The following MAPK10 variants were observed in gnomAD, a reference collection of about 807,000 sequenced individuals.
MAPK10 encodes mitogen-activated protein kinase 10.
A neutral mutation model predicts 59.3 loss-of-function variants in MAPK10; 25 were observed. That is an observed-to-expected ratio of 0.42 (90% CI 0.31 to 0.59). The LOEUF is 0.59. MAPK10 is among the 20% of genes least tolerant of loss of function. MAPK10 has a pLI of 0.15. For missense variants in MAPK10, 351 were observed against 568.9 expected (o/e 0.62, Z 3.90); for synonymous variants, 190 against 200.5 (o/e 0.95, Z 0.44).
At chr4:86,385,369 T>A (rs568869701) in intron 1 of MAPK10, among the ~76,000 whole-genome samples, 1 of 152,320 alleles carries the variant, frequency 6.6e-6, no homozygotes, top group East Asian at 1.9e-4. Context: ...AAACTTGGCA[T>A]TAGAAATGGC....
chr4:86,089,211 G>A (rs2052571587), intron 9 of MAPK10: 2 of 1,611,260 alleles, frequency 1.2e-6, no homozygotes, highest in African/African-American at 1.3e-5. Context: ...GATACGATCA[G>A]TGCCAGGAAA....
In MAPK10 at chr4:86,264,888, C is replaced by CTTTTTTTTTT. The variant is rs397879051; in HGVS notation, c.-6-70491_-6-70482dup. Among the ~76,000 whole-genome samples the CTTTTTTTTTT allele has an allele frequency of 1.8e-4, 17 of 95,274 alleles. 1 individual carries two copies. The highest frequency in any genetic ancestry group is 3.1e-4 in the East Asian group (1 of 3,184). The allele number at this position is 95,274 out of a possible 152,430, so 62.5% of individuals were successfully genotyped here. ...TCTCTAGGTTTTTGATGGCCCTGGACTTTTTTTTTTTTTTTTTTTTTTGTG... is the reference window on the plus strand; with the variant it reads ...TCTCTAGGTTTTTGATGGCCCTGGACTTTTTTTTTTTTTTTTTTTTTTTTTTTTTTTTGTG... On this transcript the variant is annotated intron_variant, in intron 2 of 13. Coordinates refer to ENST00000641462, the MANE Select transcript of MAPK10 (RefSeq NM_138982.4).
chr4:86,349,953 T>C (rs746893821), intron 2 of MAPK10, among the ~76,000 whole-genome samples: 18 of 152,118 alleles, frequency 1.2e-4, no homozygotes, highest in Admixed American at 3.9e-4. Flanking sequence ...AGGAAACACC[T>C]GAGTAGATGT....
In MAPK10 at chr4:86,010,753, T is replaced by G. The variant is rs1049373942; in HGVS notation, c.*6475A>C. The G allele has an allele frequency of 1.3e-5, 2 of 152,242 alleles. No individual in the cohort carries two copies. Among genetic ancestry groups the G allele is most frequent in the African/African-American group, 4.8e-5 (2 of 41,466 alleles). 9.4% of individuals were successfully genotyped at this position (152,242 alleles called of 1,614,324 possible). A position where few individuals can be genotyped will look rare whatever the true frequency, so the allele number is the denominator to read the frequency against. ...GTATAATTGTTCATAGGCAATATTT[T>G]CACCAGGATGGGTTCACAAGTGTTA... On this transcript the variant is annotated 3_prime_UTR_variant, in exon 14 of 14. Coordinates refer to ENST00000641462, the MANE Select transcript of MAPK10 (RefSeq NM_138982.4).
At chr4:86,227,766 T>A (rs191950387) in intron 2 of MAPK10, among the ~76,000 whole-genome samples, 1 of 152,338 alleles carries the variant, frequency 6.6e-6, no homozygotes, top group African/African-American at 2.4e-5. Context: ...CAATCTGACC[T>A]CTGCCTGGCT....
At chr4:86,500,554 T>C (rs929333814) in intron 1 of MAPK10, among the ~76,000 whole-genome samples, 2 of 152,140 alleles carry the variant, frequency 1.3e-5, no homozygotes, top group Admixed American at 6.6e-5. Flanking sequence ...CTATGCTCCT[T>C]TCTCTGTGCT....
chr4:86,224,211 C>T (rs193163865), intron 2 of MAPK10, among the ~76,000 whole-genome samples: 2 of 152,268 alleles, frequency 1.3e-5, no homozygotes, highest in Admixed American at 6.5e-5. Flanking sequence ...TTCTGCTAGA[C>T]ACTAAGAATA....
At chr4:86,300,786 C>G (rs543739242) in intron 2 of MAPK10, 6 of 151,482 alleles carry the variant, frequency 4.0e-5, no homozygotes, top group African/African-American at 1.2e-4. Context: ...AACTATGTAC[C>G]GATAAGTTCA....
intron 2 of MAPK10, among the ~76,000 whole-genome samples, chr4:86,225,798 T>G (rs933914716): frequency 1.3e-5 from 2 of 152,228 alleles, no homozygotes; most frequent in African/African-American, 2.4e-5. Context: ...CAAAAGGCAG[T>G]GCACTATTGG....
chr4:86,083,914 C>T (rs1244053303), intron 9 of MAPK10, among the ~76,000 whole-genome samples: 2 of 152,156 alleles, frequency 1.3e-5, no homozygotes, highest in African/African-American at 2.4e-5. Flanking sequence ...CCCTTCCAGG[C>T]CCCAGTTCCC....
chr4:86,332,952 C>T (rs1490139787), intron 2 of MAPK10, among the ~76,000 whole-genome samples: 1 of 152,064 alleles, frequency 6.6e-6, no homozygotes, highest in African/African-American at 2.4e-5. Flanking sequence ...TGTATGGCTG[C>T]GGAGTTTTGT....
intron 1 of MAPK10, among the ~76,000 whole-genome samples, chr4:86,467,623 G>A (rs764532169): frequency 2.0e-5 from 3 of 152,074 alleles, no homozygotes; most frequent in Admixed American, 6.6e-5. Flanking sequence ...GGGTTCAAGC[G>A]ATTCTCCTGC....
intron 2 of MAPK10, among the ~76,000 whole-genome samples, chr4:86,313,274 C>T (rs74519119): frequency 6.6e-6 from 1 of 152,152 alleles, no homozygotes; most frequent in East Asian, 1.9e-4. Context: ...AATGTAAATG[C>T]TTAAAAAGCA....
intron 1 of MAPK10, among the ~76,000 whole-genome samples, chr4:86,583,318 T>C (rs1762434891): frequency 6.6e-6 from 1 of 152,098 alleles, no homozygotes; most frequent in Admixed American, 6.5e-5. Flanking sequence ...TCACCACGCC[T>C]GGCCCCCATA....
intron 2 of MAPK10, among the ~76,000 whole-genome samples, chr4:86,288,520 T>G (rs932885770): frequency 6.6e-6 from 1 of 152,056 alleles, no homozygotes; most frequent in Non-Finnish European, 1.5e-5. Context: ...CAGGACAAGG[T>G]AGTTGATGAT....
intron 1 of MAPK10, among the ~76,000 whole-genome samples, chr4:86,484,305 T>C (rs562439705): frequency 5.3e-5 from 8 of 152,330 alleles, no homozygotes; most frequent in Admixed American, 5.2e-4. Flanking sequence ...GCAAGTGTTA[T>C]TATCCTCATT....
chr4:86,251,597 C>T (rs1317166154), intron 2 of MAPK10, among the ~76,000 whole-genome samples: 7 of 134,244 alleles, frequency 5.2e-5, no homozygotes, highest in African/African-American at 2.1e-4. Flanking sequence ...TGGGTTGGTT[C>T]CAAGTCTTTG....
intron 4 of MAPK10, among the ~76,000 whole-genome samples, chr4:86,139,926 G>T (rs1303442647): frequency 6.8e-6 from 1 of 147,684 alleles, no homozygotes; most frequent in South Asian, 2.2e-4. Context: ...AAAGACACAT[G>T]AAAAAATGCT....
intron 1 of MAPK10, among the ~76,000 whole-genome samples, chr4:86,539,296 A>C (rs1758493323): frequency 6.6e-6 from 1 of 152,234 alleles, no homozygotes; most frequent in South Asian, 2.1e-4. Flanking sequence ...AACATCTTTA[A>C]AGCACTGGAA....
Sources: gnomAD v4.1 joint callset for allele counts (sites outside exome capture counted in the v4.1 genomes callset) on GRCh38, gnomAD v4.1.1 for gene constraint, MANE v1.5 for transcripts, NCBI Gene and HGNC (gene_info 2026-07-23, HGNC 2026-07-21) for gene names.